The following CCSER1 variants were observed in gnomAD, a reference collection of about 807,000 sequenced individuals.
The protein encoded by CCSER1 is coiled-coil serine rich protein 1.
A neutral mutation model predicts 82.0 loss-of-function variants in CCSER1; 41 were observed. That is an observed-to-expected ratio of 0.50 (90% CI 0.39 to 0.65). The LOEUF is 0.65. Ranked by LOEUF, CCSER1 falls within the 30% of genes least tolerant of loss-of-function variation. The pLI is 0.00. For missense variants in CCSER1, 1,119 were observed against 1,064.2 expected, an observed-to-expected ratio of 1.05 and a Z score of -0.72; for synonymous variants, 414 against 383.9, an observed-to-expected ratio of 1.08 and a Z score of -0.92.
In CCSER1 at chr4:91,115,200, T is replaced by A. The variant is rs771558632; in HGVS notation, c.2217+29206T>A. Among the ~76,000 whole-genome samples the A allele has an allele frequency of 1.6e-4, 24 of 152,222 alleles. 1 individual carries two copies. Among genetic ancestry groups the A allele is most frequent in the Non-Finnish European group, 3.1e-4 (21 of 68,044 alleles). On this transcript the variant is annotated intron_variant, in intron 10 of 10. Transcript: ENST00000509176. ...AAAGTAAGTGAAAATAGTTACCAAC[T>A]TTGTCAATATTTGCATTGAATTATG...
intron 1 of CCSER1, among the ~76,000 whole-genome samples, chr4:90,143,866 T>A (rs1480370182): frequency 1.3e-5 from 2 of 151,710 alleles, no homozygotes; most frequent in Non-Finnish European, 2.9e-5. Context: ...TTGTTGTTGT[T>A]ATTTATAGAG....
chr4:90,715,186 G>A (rs1056174132), intron 6 of CCSER1, among the ~76,000 whole-genome samples: 1 of 151,912 alleles, frequency 6.6e-6, no homozygotes, highest in Non-Finnish European at 1.5e-5. Flanking sequence ...GCTAAGTTTA[G>A]TTTCCATTAT....
At chr4:90,300,612 A>G (rs909180114) in intron 1 of CCSER1, among the ~76,000 whole-genome samples, 2 of 152,146 alleles carry the variant, frequency 1.3e-5, no homozygotes, top group African/African-American at 4.8e-5. Flanking sequence ...CTGACTCATA[A>G]TGAAAAAATA....
At chr4:90,249,807 C>T (rs542355717) in intron 1 of CCSER1, among the ~76,000 whole-genome samples, 3 of 152,160 alleles carry the variant, frequency 2.0e-5, no homozygotes, top group South Asian at 2.1e-4. Context: ...AACATTCATG[C>T]GCAACTGCCA....
At chr4:90,842,061 A>G (rs1762640393) in intron 8 of CCSER1, among the ~76,000 whole-genome samples, 1 of 151,892 alleles carries the variant, frequency 6.6e-6, no homozygotes, top group Admixed American at 6.6e-5. Flanking sequence ...ACAGCTTGGC[A>G]TTAGTTTATG....
At chr4:91,183,847 G>T (rs1032367362) in intron 10 of CCSER1, among the ~76,000 whole-genome samples, 2 of 152,150 alleles carry the variant, frequency 1.3e-5, no homozygotes, top group South Asian at 4.1e-4. Flanking sequence ...GGGCTAGTAA[G>T]GCTAGGATTT....
At chr4:91,542,387 T>C (rs1189678195) in intron 10 of CCSER1, among the ~76,000 whole-genome samples, 1 of 152,150 alleles carries the variant, frequency 6.6e-6, no homozygotes, top group East Asian at 1.9e-4. Context: ...CTTTAATCCA[T>C]CTTGAATTAA....
At chr4:90,552,840 G>A (rs1179347449) in intron 5 of CCSER1, among the ~76,000 whole-genome samples, 2 of 152,158 alleles carry the variant, frequency 1.3e-5, no homozygotes, top group Non-Finnish European at 2.9e-5. Context: ...ATATCAAGGT[G>A]TATTGTAAGG....
intron 8 of CCSER1, among the ~76,000 whole-genome samples, chr4:90,852,107 G>T (rs968019694): frequency 6.8e-6 from 1 of 146,154 alleles, no homozygotes; most frequent in African/African-American, 2.4e-5. Flanking sequence ...ATAATAAAGA[G>T]AAGTCAAAAA....
intron 8 of CCSER1, among the ~76,000 whole-genome samples, chr4:90,854,257 A>G (rs969712889): frequency 6.6e-6 from 1 of 152,178 alleles, no homozygotes; most frequent in Non-Finnish European, 1.5e-5. Context: ...CTTTAGTTAC[A>G]AGGTAAACCA....
chr4:91,144,388 CATTT>C (rs1489734766), intron 10 of CCSER1, among the ~76,000 whole-genome samples: 3 of 151,780 alleles, frequency 2.0e-5, no homozygotes, highest in Admixed American at 6.6e-5. Context: ...CTATAGACCT[CATTT>C]ATTCTTTCAA....
chr4:91,539,644 CAG>C (rs1761486917), intron 10 of CCSER1, among the ~76,000 whole-genome samples: 1 of 152,020 alleles, frequency 6.6e-6, no homozygotes, highest in Non-Finnish European at 1.5e-5. Flanking sequence ...GAAATTATGA[CAG>C]AATTAAATAA....
At chr4:91,251,527 T>C (rs912432593) in intron 10 of CCSER1, among the ~76,000 whole-genome samples, 2 of 152,150 alleles carry the variant, frequency 1.3e-5, no homozygotes, top group African/African-American at 4.8e-5. Context: ...CCTCAAGAGA[T>C]AAAGTTAATC....
intron 6 of CCSER1, among the ~76,000 whole-genome samples, chr4:90,717,591 G>T (rs2149350712): frequency 6.6e-6 from 1 of 152,164 alleles, no homozygotes; most frequent in South Asian, 2.1e-4. Context: ...CCTCTGAGAG[G>T]AGTGCCTGTA....
intron 7 of CCSER1, among the ~76,000 whole-genome samples, chr4:90,800,956 A>G (rs1255932727): frequency 1.3e-5 from 2 of 150,318 alleles, no homozygotes; most frequent in Middle Eastern, 3.4e-3. Flanking sequence ...ATAGGTTGAA[A>G]TGCTCTGTTC....
At chr4:91,105,820 A>T (rs1172398614) in intron 10 of CCSER1, among the ~76,000 whole-genome samples, 1 of 152,166 alleles carries the variant, frequency 6.6e-6, no homozygotes, top group African/African-American at 2.4e-5. Context: ...CCTCAAAGGG[A>T]GGCTCAAGCT....
At chr4:91,377,539 A>T (rs1750523256) in intron 10 of CCSER1, among the ~76,000 whole-genome samples, 1 of 152,108 alleles carries the variant, frequency 6.6e-6, no homozygotes, top group Non-Finnish European at 1.5e-5. Context: ...TGGCTGCATA[A>T]GTGTGTTCTT....
intron 1 of CCSER1, among the ~76,000 whole-genome samples, chr4:90,180,295 G>A (rs993532937): frequency 1.3e-5 from 2 of 151,954 alleles, no homozygotes; most frequent in African/African-American, 4.8e-5. Context: ...TAAGAGTAAA[G>A]AGATAATTGA....
chr4:90,886,225 C>T (rs1281368154), intron 8 of CCSER1, among the ~76,000 whole-genome samples: 5 of 152,202 alleles, frequency 3.3e-5, no homozygotes, highest in Non-Finnish European at 7.3e-5. Flanking sequence ...ACAAAAATAA[C>T]TCATGGTACC....
Sources: allele counts gnomAD v4.1 joint callset (sites outside exome capture counted in the v4.1 genomes callset), GRCh38; gene constraint gnomAD v4.1.1; transcripts MANE v1.5; gene names NCBI Gene and HGNC (gene_info 2026-07-23, HGNC 2026-07-21).